DLGAP2: variants seen among roughly 807,000 people sequenced by gnomAD.
DLGAP2 encodes DLG associated protein 2.
DLGAP2 carries 26 observed loss-of-function variants against 100.3 expected under a neutral mutation model. That is an observed-to-expected ratio of 0.26 (90% confidence interval 0.19 to 0.36). The LOEUF (loss-of-function observed/expected upper bound fraction) is 0.36, where lower values mean the gene tolerates loss of function less well. Among genes scored for constraint, DLGAP2 ranks in the 10% least tolerant of loss-of-function variants. The pLI, the probability that DLGAP2 is intolerant of heterozygous loss-of-function variation, is 1.00. For synonymous variants in DLGAP2, 886 were observed against 630.1 expected (o/e 1.41, Z -6.08); for missense variants, 1,858 against 1,453.2 (o/e 1.28, Z -4.53).
Position 1,190,418 on chromosome 8 carries a change from ATC to A in DLGAP2, c.74-68431_74-68430del, listed in dbSNP as rs1563242250. ...GGGTCGGGGCATCTGCTGTTGGGGCATCTGCTGTTGGGGCATCTGCTGTTGGA... is the reference window on the plus strand; with the variant it reads ...GGGTCGGGGCATCTGCTGTTGGGGCATGCTGTTGGGGCATCTGCTGTTGGA... On this transcript the variant is annotated intron_variant, in intron 2 of 14. Coordinates refer to ENST00000637795, the MANE Select transcript of DLGAP2 (RefSeq NM_001346810.2). 2.4e-4 allele frequency among the ~76,000 whole-genome samples: 36 copies of A among 151,916 alleles called. 1 individual carries two copies. Among genetic ancestry groups the A allele is most frequent in the African/African-American group, 7.2e-4 (30 of 41,430 alleles).
chr8:1,662,825 G>T (rs994408203), intron 8 of DLGAP2, among the ~76,000 whole-genome samples: 1 of 151,410 alleles, frequency 6.6e-6, no homozygotes, highest in Non-Finnish European at 1.5e-5. Flanking sequence ...GTGCATACAT[G>T]TGTGAGTGTG....
intron 3 of DLGAP2, among the ~76,000 whole-genome samples, chr8:1,484,933 C>A (rs1243756291): frequency 1.3e-5 from 2 of 152,172 alleles, no homozygotes; most frequent in Non-Finnish European, 2.9e-5. Flanking sequence ...CTGTCTGCCC[C>A]CTAGGACCTT....
chr8:1,205,658 G>T (rs1797974313), intron 2 of DLGAP2, among the ~76,000 whole-genome samples: 1 of 152,154 alleles, frequency 6.6e-6, no homozygotes, highest in African/African-American at 2.4e-5. Flanking sequence ...GAAAGGCACA[G>T]GTGGGAAGGC....
Position 1,007,222 on chromosome 8 carries a change from G to A in DLGAP2, c.73+99256G>A, listed in dbSNP as rs1584968001. Among the ~76,000 whole-genome samples, 3 of 152,180 alleles carry A rather than the reference G, an allele frequency of 2.0e-5. No individual in the cohort carries two copies. The East Asian group carries it at 5.8e-4, about 29-fold the overall frequency. On this transcript the variant is annotated intron_variant, in intron 2 of 14. Coordinates refer to ENST00000637795, the MANE Select transcript of DLGAP2 (RefSeq NM_001346810.2). ...GGGACACCGTGCATCTCAAGTCTTA[G>A]GATACGGTCAGTCCCACACTCTTCA...
chr8:1,529,353 T>A lies in DLGAP2; in HGVS notation c.173-19273T>A, dbSNP rs147176013. Among the ~76,000 whole-genome samples the A allele has an allele frequency of 1.5e-3, 233 of 152,288 alleles. 2 individuals are homozygous for A. The highest frequency in any genetic ancestry group is 0.013 in the East Asian group (66 of 5,174). On this transcript the variant is annotated intron_variant, in intron 4 of 14. Transcript: ENST00000637795. The stretch of plus-strand genomic sequence containing the variant: ...TGAAACATGGGGATTATAGGGATTG[T>A]CATTGAAGATGAGATTTAGATGGAG...
chr8:900,344 G>A (rs1220477007), intron 1 of DLGAP2, among the ~76,000 whole-genome samples: 2 of 151,110 alleles, frequency 1.3e-5, no homozygotes, highest in African/African-American at 2.4e-5. Flanking sequence ...CGGGTGGACG[G>A]TGGGCGCCCT....
intron 4 of DLGAP2, among the ~76,000 whole-genome samples, chr8:1,542,853 T>G (rs1157587707): frequency 6.6e-6 from 1 of 152,184 alleles, no homozygotes; most frequent in Non-Finnish European, 1.5e-5. Context: ...AGGTTCCAGT[T>G]TCTCTGCATC....
intron 2 of DLGAP2, among the ~76,000 whole-genome samples, chr8:1,148,437 T>C (rs1368380216): frequency 6.6e-6 from 1 of 152,084 alleles, no homozygotes; most frequent in Non-Finnish European, 1.5e-5. Context: ...TTCCCTACAC[T>C]GTGTTTTTAA....
intron 2 of DLGAP2, among the ~76,000 whole-genome samples, chr8:1,101,612 G>C (rs1042263125): frequency 2.0e-5 from 3 of 151,894 alleles, no homozygotes; most frequent in Non-Finnish European, 2.9e-5. Flanking sequence ...CAATGGGAAG[G>C]TCCTCATCAC....
chr8:998,346 G>T (rs892190089), intron 2 of DLGAP2, among the ~76,000 whole-genome samples: 4 of 152,188 alleles, frequency 2.6e-5, no homozygotes, highest in African/African-American at 9.7e-5. Context: ...TGTCACCCAG[G>T]CTGGAGTGCA....
intron 3 of DLGAP2, among the ~76,000 whole-genome samples, chr8:1,307,650 A>G (rs2117009106): frequency 6.6e-6 from 1 of 152,286 alleles, no homozygotes; most frequent in African/African-American, 2.4e-5. Flanking sequence ...TATAAGCAAA[A>G]TGGGGCCTAG....
chr8:1,587,940 A>G (rs546049535), intron 6 of DLGAP2, among the ~76,000 whole-genome samples: 15 of 152,272 alleles, frequency 9.9e-5, no homozygotes, highest in African/African-American at 2.9e-4. Context: ...TCTTCACTAT[A>G]CCAATGAGCT....
At chr8:880,249 C>G (rs1420402457) in intron 1 of DLGAP2, among the ~76,000 whole-genome samples, 1 of 152,178 alleles carries the variant, frequency 6.6e-6, no homozygotes. Context: ...TCCTCCTAAT[C>G]AATTTCTGTG....
chr8:957,481 C>G (rs1799622777), intron 2 of DLGAP2, among the ~76,000 whole-genome samples: 1 of 152,190 alleles, frequency 6.6e-6, no homozygotes, highest in Non-Finnish European at 1.5e-5. Flanking sequence ...TCCAAAACAC[C>G]AGCCTAGAGA....
intron 2 of DLGAP2, among the ~76,000 whole-genome samples, chr8:1,199,290 T>G (rs559891192): frequency 9.2e-5 from 14 of 152,358 alleles, no homozygotes; most frequent in African/African-American, 2.9e-4. Context: ...AACAGATATC[T>G]TGCAATATTT....
At chr8:952,563 G>T (rs1341975475) in intron 2 of DLGAP2, among the ~76,000 whole-genome samples, 2 of 152,014 alleles carry the variant, frequency 1.3e-5, no homozygotes, top group African/African-American at 4.8e-5. Context: ...TTTGAGCCAG[G>T]GAGATGGAAG....
At chr8:1,037,749 C>T (rs1278415860) in intron 2 of DLGAP2, among the ~76,000 whole-genome samples, 1 of 152,188 alleles carries the variant, frequency 6.6e-6, no homozygotes, top group African/African-American at 2.4e-5. Context: ...CGCTTTGGGC[C>T]GTTAAAATAT....
chr8:1,610,217 A>T, intron 6 of DLGAP2, among the ~76,000 whole-genome samples: 1 of 152,250 alleles, frequency 6.6e-6, no homozygotes, highest in East Asian at 1.9e-4. Flanking sequence ...TGAAACTAGA[A>T]CTCAGGATTA....
intron 2 of DLGAP2, among the ~76,000 whole-genome samples, chr8:1,093,985 G>A (rs1261851520): frequency 6.6e-6 from 1 of 152,068 alleles, no homozygotes; most frequent in African/African-American, 2.4e-5. Flanking sequence ...AGGCGCTCGT[G>A]GATGGAGGGC....
Sources: allele counts gnomAD v4.1 joint callset (sites outside exome capture counted in the v4.1 genomes callset), GRCh38; gene constraint gnomAD v4.1.1; transcripts MANE v1.5; gene names NCBI Gene and HGNC (gene_info 2026-07-23, HGNC 2026-07-21).